Variants in PDCD2 observed in about 807,000 individuals in gnomAD.
PDCD2 encodes programmed cell death 2.
In PDCD2, 38 loss-of-function variants were observed where a neutral mutation model predicts 38.1. The observed-to-expected ratio is 1.00, with a 90% CI of 0.77 to 1.31. The LOEUF (loss-of-function observed/expected upper bound fraction) is 1.31. PDCD2 is among the 50% of genes most tolerant of loss of function. PDCD2 has a pLI of 0.00. For synonymous variants in PDCD2, 205 were observed against 168.9 expected (o/e 1.21, Z -1.66); for missense variants, 473 against 435.7 (o/e 1.09, Z -0.76).
chr6:170,583,370 T>TA (rs1779676375), intron 2 of PDCD2, 135 bp downstream of exon 2: 1 of 1,036,142 alleles, frequency 9.7e-7, no homozygotes, highest in African/African-American at 1.6e-5. Context: ...TTTTTTTTTT[T>TA]ACAAAGGTGT....
Position 170,584,311 on chromosome 6 carries a change from C to A in PDCD2, c.271G>T (p.Ala91Ser). The change falls in exon 1 of 6, where the codon GCC (alanine) becomes TCC (serine). Residue 91 changes from alanine to serine, a missense_variant. Coordinates refer to ENST00000541970, the MANE Select transcript of PDCD2 (RefSeq NM_002598.4). ...TTTGGCGGCTCACCTCGCAGGCCGG[C>A]ACAGCACGGCTGCTCGCGGCAGCAG... is the stretch of plus-strand genomic sequence containing the variant. ...LFCCREQPCC[A>S]GLRVFRNQLP... is the part of the protein sequence containing the mutation. 1.3e-6 allele frequency: 2 copies of A among 1,484,334 alleles called. No individual in the cohort carries two copies. The highest frequency in any genetic ancestry group is 1.8e-6 in the Non-Finnish European group (2 of 1,124,512). 91.9% of individuals were successfully genotyped at this position (1,484,334 alleles called of 1,614,324 possible).
In PDCD2 at chr6:170,584,448, CCCGGCAGCCCGGCCGCGCCCAGCCATG is replaced by C. The variant is rs759988711; in HGVS notation, c.107_133del (p.Ala36_Pro44del). 2 of 1,313,930 alleles carry C rather than the reference CCCGGCAGCCCGGCCGCGCCCAGCCATG, an allele frequency of 1.5e-6. No homozygotes were observed. The highest frequency in any genetic ancestry group is 2.3e-5 in the South Asian group (1 of 43,922). 81.4% of individuals were successfully genotyped at this position (1,313,930 alleles called of 1,614,324 possible). On this transcript the variant is annotated inframe_deletion, in exon 1 of 6. Coordinates refer to ENST00000541970, the MANE Select transcript of PDCD2 (RefSeq NM_002598.4). ...CAGCTCGCAGGCCAGGGCCTGGGGC[CCCGGCAGCCCGGCCGCGCCCAGCCATG>C]CCGGCCGCCCGCCCACCTTGCTGGG...
chr6:170,584,023 G>C (rs1300593674), intron 1 of PDCD2: 2 of 545,296 alleles, frequency 3.7e-6, no homozygotes, highest in African/African-American at 3.9e-5. Flanking sequence ...ATCTTTCCAA[G>C]ACAATTTCTA....
Position 170,578,613 on chromosome 6 carries a change from A to G in PDCD2, c.876+244T>C, listed in dbSNP as rs748625597. On this transcript the variant is annotated intron_variant, in intron 5 of 5. Transcript: ENST00000541970. Reference sequence around the variant, plus strand: ...ACTGGAGGTGGAGAGCAGTGTAGATATCCTCATTGTCACAGAAGTCAGTCA... The same window carrying G: ...ACTGGAGGTGGAGAGCAGTGTAGATGTCCTCATTGTCACAGAAGTCAGTCA... The G allele has an allele frequency of 5.7e-6, 4 of 699,546 alleles. No individual in the cohort carries two copies. The East Asian group carries it at 1.1e-4, about 19-fold the overall frequency. The allele number at this position is 699,546 out of a possible 1,614,324, so 43.3% of individuals were successfully genotyped here.
intron 5 of PDCD2, among the ~76,000 whole-genome samples, chr6:170,578,198 C>T (rs954143568): frequency 4.6e-5 from 7 of 152,120 alleles, no homozygotes; most frequent in African/African-American, 1.4e-4. Flanking sequence ...TTATACAAAT[C>T]CTGTCACCTC....
chr6:170,582,099 C>G (rs1037824456), intron 3 of PDCD2: 2 of 1,527,376 alleles, frequency 1.3e-6, no homozygotes, highest in Non-Finnish European at 1.8e-6. Context: ...CATGAACACA[C>G]GCGCGGCCCC....
At chr6:170,582,099 C>T (rs1037824456) in intron 3 of PDCD2, 49 of 1,527,258 alleles carry the variant, frequency 3.2e-5, no homozygotes, top group African/African-American at 5.5e-5. Flanking sequence ...CATGAACACA[C>T]GCGCGGCCCC....
chr6:170,582,593 T>C (rs574892981), intron 3 of PDCD2: 2 of 1,285,782 alleles, frequency 1.6e-6, no homozygotes, highest in South Asian at 3.3e-5. Context: ...GCTACTATAA[T>C]AAAATAAGCC....
chr6:170,577,422 G>A lies in PDCD2; in HGVS notation c.*137C>T. The A allele has an allele frequency of 2.8e-6, 2 of 721,642 alleles. No individual in the cohort carries two copies. The highest frequency in any genetic ancestry group is 3.9e-5 in the South Asian group (2 of 51,790). The allele number at this position is 721,642 out of a possible 1,614,324, so 44.7% of individuals were successfully genotyped here. A position where few individuals can be genotyped will look rare whatever the true frequency, so the allele number is the denominator to read the frequency against. ...CTGGACACTTTTGTTTCACTAATAA[G>A]TAGACACTGTGTAAGCAATCTGTCA... On this transcript the variant is annotated 3_prime_UTR_variant, in exon 6 of 6. Transcript: ENST00000541970.
intron 3 of PDCD2, chr6:170,581,580 C>T (rs1343078143): frequency 6.5e-6 from 1 of 153,384 alleles, no homozygotes; most frequent in East Asian, 1.9e-4. Flanking sequence ...AATCAACCAC[C>T]TCTCCAAAGA....
Position 170,583,754 on chromosome 6 carries a change from AAG to A in PDCD2, c.284-9_284-8del. 6.3e-7 allele frequency: 1 copy of A among 1,599,164 alleles called. No homozygotes were observed. The highest frequency in any genetic ancestry group is 8.6e-7 in the Non-Finnish European group (1 of 1,169,068). On this transcript the variant is annotated splice_polypyrimidine_tract_variant and splice_region_variant and intron_variant, in intron 1 of 5. Transcript: ENST00000541970. ...GGTAGTTGATTCCTAAAAACTAAAAAAGAATACAGAGAAAAGTTTTATCTTCA... is the reference window on the plus strand; with the variant it reads ...GGTAGTTGATTCCTAAAAACTAAAAAAATACAGAGAAAAGTTTTATCTTCA...
In PDCD2 at chr6:170,580,708, C is replaced by T. The variant is rs183797588; in HGVS notation, c.659-603G>A. On this transcript the variant is annotated intron_variant, in intron 3 of 5. Transcript: ENST00000541970. Reference sequence around the variant, plus strand: ...CCAGCCTGGGCGACAGAGTGAGACTCCGTCTCAAAAAAAAAAATGTTCATT... The same window carrying T: ...CCAGCCTGGGCGACAGAGTGAGACTTCGTCTCAAAAAAAAAAATGTTCATT... 7.2e-3 allele frequency among the ~76,000 whole-genome samples: 1,086 copies of T among 151,090 alleles called. 6 individuals are homozygous for T. Among genetic ancestry groups the T allele is most frequent in the Middle Eastern group, 0.031 (9 of 292 alleles).
At chr6:170,582,393 G>A in intron 3 of PDCD2, 1 of 1,510,516 alleles carries the variant, frequency 6.6e-7, no homozygotes, top group South Asian at 1.2e-5. Context: ...ATTTTGTGGT[G>A]GTTTTGTGTA....
At chr6:170,581,345 T>C (rs1322989175) in intron 3 of PDCD2, 1 of 152,182 alleles carries the variant, frequency 6.6e-6, no homozygotes, top group East Asian at 1.9e-4. Context: ...TGTTCCCAAG[T>C]ATCCTATAAA....
chr6:170,580,373 C>T (rs1003870430), intron 3 of PDCD2, among the ~76,000 whole-genome samples: 6 of 152,162 alleles, frequency 3.9e-5, no homozygotes, highest in African/African-American at 1.2e-4. Context: ...AATGTGAGCC[C>T]TTATCATTAG....
chr6:170,583,819 T>A, intron 1 of PDCD2, 72 bp from the exon 2 acceptor site: 1 of 1,150,040 alleles, frequency 8.7e-7, no homozygotes. Flanking sequence ...CCTCTGCACG[T>A]AAAACTGAAA....
At chr6:170,582,565 A>G in intron 3 of PDCD2, 1 of 1,319,808 alleles carries the variant, frequency 7.6e-7, no homozygotes, top group Non-Finnish European at 9.7e-7. Flanking sequence ...ATATAAGGTA[A>G]GTGCTGGATA....
intron 2 of PDCD2, 98 bp from the exon 3 acceptor site, chr6:170,583,286 C>T (rs960786903): frequency 1.0e-6 from 1 of 973,664 alleles, no homozygotes; most frequent in Non-Finnish European, 1.5e-6. Flanking sequence ...ATAGTTCTGG[C>T]ATTTTAGATA....
In PDCD2 at chr6:170,576,148, T is replaced by TA. The variant is rs1245189257; in HGVS notation, c.*1410dup. On this transcript the variant is annotated 3_prime_UTR_variant, in exon 6 of 6. Transcript: ENST00000541970. Reference sequence around the variant, plus strand: ...TCCCAGGTTCGAAACTAGTATCCTCTAGCTCTTAAGTAGCTGATAACCTCC... The same window carrying TA: ...TCCCAGGTTCGAAACTAGTATCCTCTAAGCTCTTAAGTAGCTGATAACCTCC... The TA allele has an allele frequency of 6.6e-6, 1 of 152,232 alleles. No individual in the cohort carries two copies. Among genetic ancestry groups the TA allele is most frequent in the Non-Finnish European group, 1.5e-5 (1 of 68,042 alleles). 9.4% of individuals were successfully genotyped at this position (152,232 alleles called of 1,614,324 possible). A position where few individuals can be genotyped will look rare whatever the true frequency, so the allele number is the denominator to read the frequency against.
Sources: gnomAD v4.1 joint callset for allele counts (sites outside exome capture counted in the v4.1 genomes callset) on GRCh38, gnomAD v4.1.1 for gene constraint, MANE v1.5 for transcripts, NCBI Gene and HGNC (gene_info 2026-07-23, HGNC 2026-07-21) for gene names.